Variants in CRPPA observed in about 807,000 individuals in gnomAD.
CRPPA encodes D-ribitol-5-phosphate cytidylyltransferase.
A neutral mutation model predicts 52.0 loss-of-function variants in CRPPA; 43 were observed. The ratio of observed to expected loss-of-function variants is 0.83; its 90% CI spans 0.65 to 1.07. The LOEUF (loss-of-function observed/expected upper bound fraction) is 1.07. Ranked by LOEUF, CRPPA falls within the 50% of genes least tolerant of loss-of-function variation. The probability of loss-of-function intolerance (pLI) is 0.00; values close to 1 mark genes in which losing one functional copy is unlikely to be tolerated. For synonymous variants in CRPPA, 250 were observed against 203.5 expected (o/e 1.23, Z -1.94); for missense variants, 629 against 551.7 (o/e 1.14, Z -1.40).
At chr7:16,214,680 C>G (rs993060969) in intron 9 of CRPPA, among the ~76,000 whole-genome samples, 1 of 152,032 alleles carries the variant, frequency 6.6e-6, no homozygotes, top group African/African-American at 2.4e-5. Context: ...AATTTTTTAA[C>G]TTTTTTGTAG....
chr7:16,254,688 G>A (rs2128410976), intron 8 of CRPPA, among the ~76,000 whole-genome samples: 1 of 151,268 alleles, frequency 6.6e-6, no homozygotes, highest in East Asian at 2.0e-4. Context: ...GTGTACCTAT[G>A]TAACAAACCT....
chr7:16,158,395 T>TAAATTTCTAATG (rs1023802715), intron 9 of CRPPA, among the ~76,000 whole-genome samples: 17 of 152,158 alleles, frequency 1.1e-4, no homozygotes, highest in African/African-American at 4.1e-4. Context: ...TATTTATGAA[T>TAAATTTCTAATG]AAATTTCTAA....
intron 8 of CRPPA, among the ~76,000 whole-genome samples, chr7:16,226,772 C>A (rs564872392): frequency 2.6e-5 from 4 of 151,974 alleles, no homozygotes; most frequent in South Asian, 4.1e-4. Flanking sequence ...TAAATCTATA[C>A]AATATACATA....
chr7:16,087,556 T>A lies in CRPPA; in HGVS notation c.*4139A>T, dbSNP rs1206159642. ...TTTAAATCAATAATTTATTTACATT[T>A]TGTTTTGTAAAAACAACATATTTAG... On this transcript the variant is annotated 3_prime_UTR_variant, in exon 10 of 10. Transcript: ENST00000407010. 6.6e-6 allele frequency: 1 copy of A among 151,884 alleles called. No individual in the cohort carries two copies. Among genetic ancestry groups the A allele is most frequent in the Non-Finnish European group, 1.5e-5 (1 of 67,902 alleles). 9.4% of individuals were successfully genotyped at this position (151,884 alleles called of 1,614,324 possible). A position where few individuals can be genotyped will look rare whatever the true frequency, so the allele number is the denominator to read the frequency against.
At chr7:16,210,179 T>C (rs1782092457) in intron 9 of CRPPA, among the ~76,000 whole-genome samples, 1 of 152,214 alleles carries the variant, frequency 6.6e-6, no homozygotes, top group South Asian at 2.1e-4. Flanking sequence ...TACATGTATA[T>C]AATTTGTATG....
intron 1 of CRPPA, among the ~76,000 whole-genome samples, chr7:16,415,775 C>T (rs1187301123): frequency 6.6e-6 from 1 of 152,162 alleles, no homozygotes; most frequent in African/African-American, 2.4e-5. Flanking sequence ...TGTAGCCATA[C>T]ATTTTTAGCT....
intron 9 of CRPPA, among the ~76,000 whole-genome samples, chr7:16,185,723 A>C: frequency 6.6e-6 from 1 of 152,178 alleles, no homozygotes; most frequent in Non-Finnish European, 1.5e-5. Flanking sequence ...GGCAAAAATA[A>C]ATTTTCTAGG....
At chr7:16,138,652 AT>A (rs2128374940) in intron 9 of CRPPA, among the ~76,000 whole-genome samples, 1 of 152,316 alleles carries the variant, frequency 6.6e-6, no homozygotes, top group East Asian at 1.9e-4. Flanking sequence ...TTATATAAAA[AT>A]GTCTACATCT....
intron 9 of CRPPA, among the ~76,000 whole-genome samples, chr7:16,145,910 A>G (rs1231479147): frequency 1.3e-5 from 2 of 152,216 alleles, no homozygotes; most frequent in African/African-American, 2.4e-5. Flanking sequence ...TTTCAAAGAA[A>G]TAATGACAGA....
chr7:16,356,980 T>A (rs893639775), intron 3 of CRPPA, among the ~76,000 whole-genome samples: 1 of 152,146 alleles, frequency 6.6e-6, no homozygotes, highest in Non-Finnish European at 1.5e-5. Flanking sequence ...AAGATGTTTA[T>A]CAAACTCCTA....
intron 9 of CRPPA, among the ~76,000 whole-genome samples, chr7:16,186,990 G>T (rs12699772): frequency 0.27 from 41,478 of 151,988 alleles, 6,292 homozygotes; most frequent in East Asian, 0.51. Flanking sequence ...TTGCTCATGT[G>T]CAAAGATGAA....
At chr7:16,284,912 C>T (rs953922509) in intron 5 of CRPPA, among the ~76,000 whole-genome samples, 2 of 152,066 alleles carry the variant, frequency 1.3e-5, no homozygotes, top group Non-Finnish European at 1.5e-5. Context: ...ACTATGGGAG[C>T]AGGGCTCCAA....
chr7:16,139,502 T>C (rs1339881506), intron 9 of CRPPA, among the ~76,000 whole-genome samples: 2 of 152,226 alleles, frequency 1.3e-5, no homozygotes, highest in African/African-American at 2.4e-5. Flanking sequence ...GTTTTTCATA[T>C]CTAAATAATA....
At chr7:16,164,957 G>T (rs939166895) in intron 9 of CRPPA, among the ~76,000 whole-genome samples, 2 of 151,958 alleles carry the variant, frequency 1.3e-5, no homozygotes, top group African/African-American at 4.8e-5. Context: ...CTGCTGGGAG[G>T]TGTCTCCCTG....
chr7:16,197,946 T>G (rs1781773875), intron 9 of CRPPA, among the ~76,000 whole-genome samples: 1 of 146,002 alleles, frequency 6.8e-6, no homozygotes, highest in African/African-American at 2.6e-5. Context: ...AACAGATGCT[T>G]GAAGGCAGCA....
intron 9 of CRPPA, among the ~76,000 whole-genome samples, chr7:16,161,512 C>T (rs568956564): frequency 9.9e-5 from 15 of 152,266 alleles, no homozygotes; most frequent in African/African-American, 3.4e-4. Context: ...ATTGAATCAG[C>T]TTTGTATCCC....
intron 9 of CRPPA, among the ~76,000 whole-genome samples, chr7:16,147,387 C>A (rs1234990294): frequency 6.6e-6 from 1 of 152,174 alleles, no homozygotes; most frequent in Non-Finnish European, 1.5e-5. Context: ...CCCCCAAAAT[C>A]AAATCTCCCA....
chr7:16,398,517 G>C (rs1482219686), intron 2 of CRPPA, among the ~76,000 whole-genome samples: 2 of 152,094 alleles, frequency 1.3e-5, no homozygotes, highest in South Asian at 2.1e-4. Context: ...ATTGGCATAG[G>C]TCCAAAATGT....
At chr7:16,221,453 A>T (rs1284227993) in intron 8 of CRPPA, among the ~76,000 whole-genome samples, 1 of 152,246 alleles carries the variant, frequency 6.6e-6, no homozygotes, top group Non-Finnish European at 1.5e-5. Context: ...ATGGGATCTG[A>T]TCAAACTAAA....
Sources: allele counts gnomAD v4.1 joint callset (sites outside exome capture counted in the v4.1 genomes callset), GRCh38; gene constraint gnomAD v4.1.1; transcripts MANE v1.5; gene names NCBI Gene and HGNC (gene_info 2026-07-23, HGNC 2026-07-21).